FLT4: variants seen among roughly 807,000 people sequenced by gnomAD.
FLT4 encodes the protein vascular endothelial growth factor receptor 3.
Under a neutral mutation model 163.2 loss-of-function variants are expected in FLT4, and 30 were observed. The ratio of observed to expected loss-of-function variants is 0.18; its 90% CI spans 0.14 to 0.25. The LOEUF (loss-of-function observed/expected upper bound fraction) is 0.25, where lower values mean the gene tolerates loss of function less well. FLT4 is among the 10% of genes least tolerant of loss of function. The pLI, the probability that FLT4 is intolerant of heterozygous loss-of-function variation, is 1.00. For synonymous variants in FLT4, 884 were observed against 789.5 expected (o/e 1.12, Z -2.01); for missense variants, 1,510 against 1,863.8 (o/e 0.81, Z 3.50).
chr5:180,621,110 C>G lies in FLT4; in HGVS notation c.2163G>C (p.Lys721Asn), dbSNP rs760012718. The G allele has an allele frequency of 1.2e-6, 2 of 1,612,710 alleles. No individual in the cohort carries two copies. Among genetic ancestry groups the G allele is most frequent in the Admixed American group, 3.3e-5 (2 of 60,008 alleles). The change falls in exon 14 of 30, where the codon AAG becomes AAC. Residue 721 changes from lysine (K) to asparagine (N), a missense_variant. By Grantham distance (94) the Lys-to-Asn change is moderately conservative. Around this residue, in one of 5 missense-constraint regions of FLT4, gnomAD observed 878 missense variants for 1,016.7 expected, o/e 0.86. Transcript: ENST00000261937. The stretch of plus-strand genomic sequence containing the variant: ...CGCCAGGGCCACCCTCCCTACCAGA[C>G]TTTTCCTCCAGCAGCCTCTCGTCTT... ...WYKDERLLEE[K>N]SGVDLADSNQ...
intron 1 of FLT4, among the ~76,000 whole-genome samples, chr5:180,635,936 G>A (rs369419184): frequency 7.6e-6 from 1 of 130,820 alleles, no homozygotes; most frequent in African/African-American, 2.9e-5. Context: ...TGGATGGACG[G>A]ATGGAAGTAT....
At chr5:180,607,879 G>A in intron 29 of FLT4, 1 of 573,892 alleles carries the variant, frequency 1.7e-6, no homozygotes, top group Admixed American at 3.1e-5. Flanking sequence ...GAAGGCAAGA[G>A]GTGAGCCCTC....
intron 10 of FLT4, 118 bp from the exon 11 acceptor site, chr5:180,624,179 A>G: frequency 1.7e-6 from 2 of 1,161,724 alleles, no homozygotes; most frequent in South Asian, 2.5e-5. Flanking sequence ...GTCGTGGGCG[A>G]GGCTGGCCCT....
At chr5:180,641,829 C>T (rs1323576671) in intron 1 of FLT4, among the ~76,000 whole-genome samples, 2 of 152,236 alleles carry the variant, frequency 1.3e-5, no homozygotes, top group African/African-American at 2.4e-5. Flanking sequence ...ATCACTTCCT[C>T]TCTCCAAGCC....
chr5:180,622,691 C>A (rs1271625502), intron 12 of FLT4, 40 bp downstream of exon 12: 1 of 1,315,310 alleles, frequency 7.6e-7, no homozygotes, highest in Non-Finnish European at 1.1e-6. Flanking sequence ...CCCCTCCTGA[C>A]CCTGTACCCA....
chr5:180,603,149 C>T lies in FLT4; in HGVS notation c.*43G>A, dbSNP rs761402024. Reference sequence around the variant, plus strand: ...GCCTCCAGCCCTCTGCCCGCCCTGCCGGGCCTGAACCCCCAAGTGCTGGGG... The same window carrying T: ...GCCTCCAGCCCTCTGCCCGCCCTGCTGGGCCTGAACCCCCAAGTGCTGGGG... On this transcript the variant is annotated 3_prime_UTR_variant, in exon 30 of 30. Transcript: ENST00000261937. 44 of 1,601,028 alleles carry T rather than the reference C, an allele frequency of 2.7e-5. No homozygotes were observed. Among genetic ancestry groups the T allele is most frequent in the East Asian group, 1.6e-4 (7 of 44,794 alleles).
intron 24 of FLT4, chr5:180,613,769 C>T (rs568319332): frequency 1.3e-4 from 60 of 472,252 alleles, no homozygotes; most frequent in Middle Eastern, 1.2e-3. Context: ...GGAGTAGGCA[C>T]GTCTGCTGAC....
chr5:180,613,534 G>A, intron 24 of FLT4: 1 of 217,700 alleles, frequency 4.6e-6, no homozygotes, highest in East Asian at 1.1e-4. Context: ...AACCCCTGCT[G>A]CTCCCCGTCC....
chr5:180,606,901 A>C (rs10068446), intron 29 of FLT4, among the ~76,000 whole-genome samples: 42,799 of 99,854 alleles, frequency 0.43, 6,518 homozygotes, highest in South Asian at 0.54. Context: ...ACTAAAAAAA[A>C]AAAAAAAAAA....
intron 1 of FLT4, among the ~76,000 whole-genome samples, chr5:180,642,740 G>A (rs780367877): frequency 6.6e-6 from 1 of 152,206 alleles, no homozygotes; most frequent in African/African-American, 2.4e-5. Context: ...AGAGGAGCAA[G>A]TACCACAAAG....
intron 1 of FLT4, among the ~76,000 whole-genome samples, chr5:180,643,176 T>C (rs1765250879): frequency 6.6e-6 from 1 of 152,248 alleles, no homozygotes; most frequent in South Asian, 2.1e-4. Context: ...TCCCACTAGG[T>C]TGGCTGTCCA....
At position 180,602,855 on chromosome 5, in the gene FLT4, C is replaced by T. The variant is rs900296795; in HGVS notation, c.*337G>A. The T allele has an allele frequency of 1.9e-5, 11 of 572,672 alleles. No individual in the cohort carries two copies. Among genetic ancestry groups the T allele is most frequent in the Admixed American group, 3.1e-5 (1 of 32,022 alleles). 35.5% of individuals were successfully genotyped at this position (572,672 alleles called of 1,614,324 possible). The stretch of plus-strand genomic sequence containing the variant: ...CGTGGGAAAACAGGGACCAGGCCAC[C>T]ACCCAGTGTGATGAAAGGAGGTCGC... On this transcript the variant is annotated 3_prime_UTR_variant, in exon 30 of 30. Transcript: ENST00000261937.
At chr5:180,637,664 C>G (rs976082394) in intron 1 of FLT4, among the ~76,000 whole-genome samples, 1 of 152,226 alleles carries the variant, frequency 6.6e-6, no homozygotes, top group Non-Finnish European at 1.5e-5. Flanking sequence ...TCCTGGGTAG[C>G]TGGGATTACA....
chr5:180,630,194 G>T lies in FLT4; in HGVS notation c.513+31C>A. 2.1e-6 allele frequency: 3 copies of T among 1,428,548 alleles called. No individual in the cohort carries two copies. Among genetic ancestry groups the T allele is most frequent in the Non-Finnish European group, 3.0e-6 (3 of 1,016,884 alleles). The allele number at this position is 1,428,548 out of a possible 1,614,324, so 88.5% of individuals were successfully genotyped here. A position where few individuals can be genotyped will look rare whatever the true frequency, so the allele number is the denominator to read the frequency against. ...CCTTTCCCAGGGGTGGGATGGGAGG[G>T]TCGGATGCTGGGGTTGGGGTGGGGC... On this transcript the variant is annotated intron_variant, in intron 4 of 29. Transcript: ENST00000261937. The surrounding 1 kb of genome is among the most constrained non-coding windows in gnomAD (Gnocchi z 6.3).
intron 29 of FLT4, chr5:180,607,878 A>G (rs922043550): frequency 8.8e-6 from 5 of 567,490 alleles, no homozygotes; most frequent in African/African-American, 1.9e-5. Flanking sequence ...AGAAGGCAAG[A>G]GGTGAGCCCT....
intron 29 of FLT4, among the ~76,000 whole-genome samples, chr5:180,606,903 A>AC (rs1561687578): frequency 3.6e-4 from 17 of 47,628 alleles, no homozygotes; most frequent in African/African-American, 8.1e-4. Flanking sequence ...TAAAAAAAAA[A>AC]AAAAAAAAAA....
intron 28 of FLT4, chr5:180,609,382 G>C (rs1762002226): frequency 4.3e-6 from 2 of 465,696 alleles, no homozygotes; most frequent in South Asian, 4.9e-5. Context: ...CAACCTGGCA[G>C]CTCGTAGTTC....
chr5:180,622,864 C>T (rs1314512399), intron 11 of FLT4, 25 bp from the exon 12 acceptor site: 3 of 1,519,504 alleles, frequency 2.0e-6, no homozygotes, highest in Non-Finnish European at 2.7e-6. Flanking sequence ...GCACAAGGAT[C>T]CATTTCCTGC....
chr5:180,610,752 C>T (rs1438562014), intron 27 of FLT4, among the ~76,000 whole-genome samples: 1 of 151,300 alleles, frequency 6.6e-6, no homozygotes, highest in Non-Finnish European at 1.5e-5. Context: ...GTCCACTCCA[C>T]CTCTCCGGGA....
Sources: allele counts gnomAD v4.1 joint callset (sites outside exome capture counted in the v4.1 genomes callset), GRCh38; gene constraint gnomAD v4.1.1; regional missense constraint gnomAD v4.1.1; non-coding constraint Gnocchi (gnomAD v3.1); transcripts MANE v1.5; gene names NCBI Gene and HGNC (gene_info 2026-07-23, HGNC 2026-07-21).